SLC24A2: variants seen among roughly 807,000 people sequenced by gnomAD.
SLC24A2 encodes the protein solute carrier family 24 member 2.
A neutral mutation model predicts 62.0 loss-of-function variants in SLC24A2; 36 were observed. The observed-to-expected ratio is 0.58, with a 90% confidence interval of 0.44 to 0.77. SLC24A2 has a LOEUF of 0.77. Ranked by LOEUF, SLC24A2 falls within the 30% of genes least tolerant of loss-of-function variation. SLC24A2 has a pLI of 0.00. For missense variants in SLC24A2, 846 were observed against 817.9 expected, an observed-to-expected ratio of 1.03 and a Z score of -0.42; for synonymous variants, 358 against 294.0, an observed-to-expected ratio of 1.22 and a Z score of -2.23.
intron 2 of SLC24A2, among the ~76,000 whole-genome samples, chr9:19,744,116 T>C (rs1454874991): frequency 6.6e-6 from 1 of 152,164 alleles, no homozygotes; most frequent in Non-Finnish European, 1.5e-5. Flanking sequence ...AATACATCAA[T>C]GACACCAAAC....
chr9:19,894,699 G>T, the SLC24A2 span, among the ~76,000 whole-genome samples: 1 of 151,982 alleles, frequency 6.6e-6, no homozygotes, highest in Non-Finnish European at 1.5e-5. Context: ...AAACAGAAAA[G>T]ACAATAGAAA....
the SLC24A2 span, among the ~76,000 whole-genome samples, chr9:19,806,270 C>T: frequency 2.0e-5 from 3 of 152,058 alleles, no homozygotes; most frequent in Non-Finnish European, 4.4e-5. Context: ...TAGCTTCTAG[C>T]CATTAACTAA....
At chr9:19,797,496 C>A in the SLC24A2 span, among the ~76,000 whole-genome samples, 1 of 152,170 alleles carries the variant, frequency 6.6e-6, no homozygotes, top group African/African-American at 2.4e-5. Context: ...TTGGATGCGA[C>A]CTGCCAAGTA....
intron 2 of SLC24A2, among the ~76,000 whole-genome samples, chr9:19,772,487 T>C (rs1480108677): frequency 6.6e-6 from 1 of 152,148 alleles, no homozygotes; most frequent in Non-Finnish European, 1.5e-5. Context: ...ATAAGGGGCT[T>C]GTAACCAGAA....
At chr9:19,719,298 T>C (rs1328042766) in intron 2 of SLC24A2, among the ~76,000 whole-genome samples, 1 of 152,208 alleles carries the variant, frequency 6.6e-6, no homozygotes, top group Non-Finnish European at 1.5e-5. Context: ...GATAAGAAAG[T>C]GTGGCTAAGA....
the SLC24A2 span, among the ~76,000 whole-genome samples, chr9:19,987,886 T>A: frequency 6.6e-6 from 1 of 152,142 alleles, no homozygotes; most frequent in African/African-American, 2.4e-5. Context: ...GCGACACCCA[T>A]CTCTAAATTG....
At chr9:19,584,273 T>TAAAAAA (rs5896848) in intron 5 of SLC24A2, among the ~76,000 whole-genome samples, 7 of 119,932 alleles carry the variant, frequency 5.8e-5, no homozygotes, top group Non-Finnish European at 7.0e-5. Context: ...TAGCAAATAG[T>TAAAAAA]AAAAAAAAAA....
At chr9:20,034,520 C>T in the SLC24A2 span, among the ~76,000 whole-genome samples, 16 of 136,762 alleles carry the variant, frequency 1.2e-4, no homozygotes, top group South Asian at 1.4e-3. Context: ...AATGCAGTGG[C>T]GCGATCTCTG....
chr9:19,946,116 C>T, the SLC24A2 span, among the ~76,000 whole-genome samples: 12 of 152,218 alleles, frequency 7.9e-5, no homozygotes, highest in East Asian at 2.3e-3. Context: ...CCTTTTTAAC[C>T]CTCATTGAAT....
At chr9:19,954,333 A>T in the SLC24A2 span, among the ~76,000 whole-genome samples, 359 of 152,190 alleles carry the variant, frequency 2.4e-3, no homozygotes, top group Admixed American at 7.5e-3. Context: ...TTAGCCAAAA[A>T]CCCAAGGCAA....
At chr9:19,650,844 TG>T (rs772560436) in intron 2 of SLC24A2, among the ~76,000 whole-genome samples, 324 of 151,966 alleles carry the variant, frequency 2.1e-3, no homozygotes, top group Non-Finnish European at 3.7e-3. Flanking sequence ...TGTGTGTGTG[TG>T]TGTGTTTGTG....
At chr9:19,585,129 C>T (rs751009507) in intron 5 of SLC24A2, among the ~76,000 whole-genome samples, 3 of 152,168 alleles carry the variant, frequency 2.0e-5, no homozygotes, top group Non-Finnish European at 4.4e-5. Flanking sequence ...TTTCTCCCCA[C>T]TTATGTCTGC....
At chr9:20,017,315 G>T in the SLC24A2 span, among the ~76,000 whole-genome samples, 6 of 152,056 alleles carry the variant, frequency 3.9e-5, no homozygotes, top group African/African-American at 1.4e-4. Flanking sequence ...GAGCCACCAC[G>T]CCTGGCCCCA....
At chr9:19,534,311 G>C (rs1021520097) in intron 8 of SLC24A2, among the ~76,000 whole-genome samples, 3 of 152,126 alleles carry the variant, frequency 2.0e-5, no homozygotes, top group African/African-American at 7.2e-5. Flanking sequence ...TCCTTTACTA[G>C]ACTTAGAGTG....
At chr9:19,517,952 C>CAT (rs1342287442) in intron 10 of SLC24A2, among the ~76,000 whole-genome samples, 1 of 148,942 alleles carries the variant, frequency 6.7e-6, no homozygotes, top group East Asian at 2.0e-4. Context: ...CACACACACA[C>CAT]ACACACTCTC....
intron 2 of SLC24A2, among the ~76,000 whole-genome samples, chr9:19,745,159 C>T (rs1465898162): frequency 6.6e-6 from 1 of 152,082 alleles, no homozygotes; most frequent in Non-Finnish European, 1.5e-5. Context: ...ACCTGCTCCA[C>T]CCCTCTTGCT....
intron 2 of SLC24A2, among the ~76,000 whole-genome samples, chr9:19,782,277 C>T (rs1010887398): frequency 1.3e-5 from 2 of 152,182 alleles, no homozygotes; most frequent in Non-Finnish European, 2.9e-5. Context: ...TGCTTCACAT[C>T]CTGCAGGATT....
At chr9:19,787,055 TA>T in intron 1 of SLC24A2, 36 bp from the exon 2 acceptor site, 2 of 1,342,984 alleles carry the variant, frequency 1.5e-6, no homozygotes, top group Non-Finnish European at 1.9e-6. Flanking sequence ...AAGTAAATCA[TA>T]AAATCACGTC....
chr9:19,670,623 CA>C (rs1345728633), intron 2 of SLC24A2, among the ~76,000 whole-genome samples: 1 of 152,088 alleles, frequency 6.6e-6, no homozygotes, highest in Admixed American at 6.6e-5. Flanking sequence ...ATTATTTGTC[CA>C]AGAGCATATA....
Sources: allele counts gnomAD v4.1 joint callset (sites outside exome capture counted in the v4.1 genomes callset), GRCh38; gene constraint gnomAD v4.1.1; transcripts MANE v1.5; gene names NCBI Gene and HGNC (gene_info 2026-07-23, HGNC 2026-07-21).